The following ST18 variants were observed in gnomAD, a reference collection of about 807,000 sequenced individuals.
ST18 encodes the protein ST18 C2H2C-type zinc finger transcription factor.
Under a neutral mutation model 110.0 loss-of-function variants are expected in ST18, and 50 were observed. The observed-to-expected ratio is 0.45, with a 90% CI of 0.36 to 0.58. The LOEUF is 0.58. Ranked by LOEUF, ST18 falls within the 20% of genes least tolerant of loss-of-function variation. The pLI is 0.00. For missense variants in ST18, 1,306 were observed against 1,280.1 expected, an observed-to-expected ratio of 1.02 and a Z score of -0.31; for synonymous variants, 461 against 452.4, an observed-to-expected ratio of 1.02 and a Z score of -0.24.
At position 52,180,129 on chromosome 8, in the gene ST18, A is replaced by G; in HGVS notation, c.270T>C (p.Ser90=). 6.2e-7 allele frequency: 1 copy of G among 1,614,122 alleles called. No homozygotes were observed. The highest frequency in any genetic ancestry group is 2.2e-5 in the East Asian group (1 of 44,878). Reference sequence around the variant, plus strand: ...GGCTCTCCTCCTTGCTACCTGCGGTAGAGTGACCATGTGTTTCCAAGGGGC... The same window carrying G: ...GGCTCTCCTCCTTGCTACCTGCGGTGGAGTGACCATGTGTTTCCAAGGGGC... ...DDGPLETHGH[S]TAEEIMIKPM... Residue 90 remains serine (S), a synonymous_variant, in exon 9 of 26, where the codon TCT becomes TCC. Coordinates refer to ENST00000689386, the MANE Select transcript of ST18 (RefSeq NM_001352837.2).
At chr8:52,379,468 T>C (rs1279264569) in intron 2 of ST18, among the ~76,000 whole-genome samples, 1 of 152,154 alleles carries the variant, frequency 6.6e-6, no homozygotes, top group African/African-American at 2.4e-5. Context: ...TGAAGTACAG[T>C]TGACCTTTGA....
chr8:52,406,772 A>C (rs1358593110), intron 2 of ST18: 1 of 152,214 alleles, frequency 6.6e-6, no homozygotes, highest in Non-Finnish European at 1.5e-5. Context: ...AAGTGAGCTG[A>C]GAGTTCAAGG....
Position 52,318,573 on chromosome 8 carries a change from T to G in ST18, c.-464-88496A>C, listed in dbSNP as rs547820805. 7.9e-5 allele frequency among the ~76,000 whole-genome samples: 12 copies of G among 152,268 alleles called. No individual in the cohort carries two copies. The South Asian group carries it at 2.5e-3, about 32-fold the overall frequency. ...ATATACCCAAATGAATATAAATTGT[T>G]CTATTATAAAGACACATGCACACGT... is the stretch of plus-strand genomic sequence containing the variant. On this transcript the variant is annotated intron_variant, in intron 2 of 25. Transcript: ENST00000689386.
chr8:52,341,999 G>A (rs183831602), intron 2 of ST18, among the ~76,000 whole-genome samples: 127 of 152,274 alleles, frequency 8.3e-4, no homozygotes, highest in African/African-American at 2.9e-3. Context: ...TAGACAGAAG[G>A]AATACATTCA....
At chr8:52,324,516 T>C (rs924287939) in intron 2 of ST18, among the ~76,000 whole-genome samples, 1 of 152,080 alleles carries the variant, frequency 6.6e-6, no homozygotes, top group African/African-American at 2.4e-5. Context: ...GACAAGGCTC[T>C]CCAGGTGGAA....
At chr8:52,130,119 A>AAAAGAAAAGAAAG (rs1554585623) in intron 22 of ST18, among the ~76,000 whole-genome samples, 6 of 105,242 alleles carry the variant, frequency 5.7e-5, no homozygotes, top group East Asian at 2.8e-4. Context: ...AGAAAGAAAG[A>AAAAGAAAAGAAAG]AAAGAAAGAA....
chr8:52,395,019 C>T (rs1454492016), intron 2 of ST18, among the ~76,000 whole-genome samples: 3 of 152,058 alleles, frequency 2.0e-5, no homozygotes, highest in Admixed American at 6.5e-5. Flanking sequence ...GCAAGGAGGC[C>T]GGAAAGTCTA....
Position 52,137,339 on chromosome 8 carries a change from A to ACATGGATAG in ST18, c.2231+73_2231+81dup, listed in dbSNP as rs2052858912. ...CAACTCATTTCCTGCTTCAGATAAT[A>ACATGGATAG]CATGGATAGAAAGGGTGAGAATAAG... On this transcript the variant is annotated intron_variant, in intron 18 of 25. Coordinates refer to ENST00000689386, the MANE Select transcript of ST18 (RefSeq NM_001352837.2). 6.9e-6 allele frequency: 10 copies of ACATGGATAG among 1,439,922 alleles called. No homozygotes were observed. The South Asian group carries it at 1.2e-4, about 18-fold the overall frequency. 89.2% of individuals were successfully genotyped at this position (1,439,922 alleles called of 1,614,324 possible).
At chr8:52,155,715 C>T (rs1369732948) in intron 15 of ST18, among the ~76,000 whole-genome samples, 1 of 151,874 alleles carries the variant, frequency 6.6e-6, no homozygotes, top group African/African-American at 2.4e-5. Flanking sequence ...TTTTTTTGCC[C>T]CTCTGAAAAC....
chr8:52,136,896 A>AC (rs912211511), intron 18 of ST18, among the ~76,000 whole-genome samples: 138 of 151,882 alleles, frequency 9.1e-4, no homozygotes, highest in African/African-American at 3.0e-3. Context: ...GCCCAATGAG[A>AC]CCCCCCAACT....
At chr8:52,193,098 C>A (rs2075105525) in intron 8 of ST18, among the ~76,000 whole-genome samples, 1 of 152,070 alleles carries the variant, frequency 6.6e-6, no homozygotes, top group Non-Finnish European at 1.5e-5. Flanking sequence ...TCATGGTGAC[C>A]AAGGGCTCAA....
Position 52,390,516 on chromosome 8 carries a change from A to G in ST18, c.-465+18812T>C, listed in dbSNP as rs185285013. Among the ~76,000 whole-genome samples the G allele has an allele frequency of 7.9e-5, 12 of 152,386 alleles. No individual in the cohort carries two copies. In the East Asian group the frequency reaches 1.7e-3, roughly 22 times the overall value. Reference sequence around the variant, plus strand: ...TTCTTAAAATAATAGTTATAAAAAAAGAGACTGAAAAGTTGTAGAAATATG... The same window carrying G: ...TTCTTAAAATAATAGTTATAAAAAAGGAGACTGAAAAGTTGTAGAAATATG... On this transcript the variant is annotated intron_variant, in intron 2 of 25. Transcript: ENST00000689386.
chr8:52,118,205 T>C, intron 24 of ST18, 133 bp downstream of exon 24: 1 of 584,474 alleles, frequency 1.7e-6, no homozygotes, highest in Non-Finnish European at 2.9e-6. Context: ...ACAATAATTA[T>C]GGAATCTAGA....
rs189568247 is a variant in ST18 at position 52,262,972 on chromosome 8, C to A, written c.-464-32895G>T. On this transcript the variant is annotated intron_variant, in intron 2 of 25. Coordinates refer to ENST00000689386, the MANE Select transcript of ST18 (RefSeq NM_001352837.2). Reference sequence around the variant, plus strand: ...TTCCACTGCTCAACTCAGCCTGTTACAAAGGTTGCTGTTTTTCTCCTGAAG... The same window carrying A: ...TTCCACTGCTCAACTCAGCCTGTTAAAAAGGTTGCTGTTTTTCTCCTGAAG... Among the ~76,000 whole-genome samples, 587 of 152,330 alleles carry A rather than the reference C, an allele frequency of 3.9e-3. 3 individuals carry two copies. The highest frequency in any genetic ancestry group is 0.013 in the African/African-American group (560 of 41,570).
chr8:52,403,359 G>A (rs1843396927), intron 2 of ST18: 1 of 152,282 alleles, frequency 6.6e-6, no homozygotes, highest in South Asian at 2.1e-4. Flanking sequence ...GCACAATGTG[G>A]GCTCCTTCTT....
At chr8:52,129,204 A>G (rs1421239738) in intron 22 of ST18, among the ~76,000 whole-genome samples, 1 of 152,034 alleles carries the variant, frequency 6.6e-6, no homozygotes, top group Non-Finnish European at 1.5e-5. Context: ...GGTGGCTCAT[A>G]CCTGTAATCT....
intron 2 of ST18, among the ~76,000 whole-genome samples, chr8:52,382,688 C>G (rs1304523495): frequency 6.6e-6 from 1 of 151,090 alleles, no homozygotes; most frequent in Non-Finnish European, 1.5e-5. Flanking sequence ...CCGAGGAGTA[C>G]AGTCACTGTG....
chr8:52,225,529 C>A (rs2089019532), intron 3 of ST18, among the ~76,000 whole-genome samples: 1 of 152,184 alleles, frequency 6.6e-6, no homozygotes, highest in Admixed American at 6.5e-5. Flanking sequence ...TGATGAGGCA[C>A]TTCTGGAATA....
chr8:52,352,146 C>G (rs985338274), intron 2 of ST18, among the ~76,000 whole-genome samples: 1 of 152,142 alleles, frequency 6.6e-6, no homozygotes, highest in Admixed American at 6.5e-5. Context: ...ACCTGCCCCC[C>G]ACTTCTTTGT....
Sources: allele counts gnomAD v4.1 joint callset (sites outside exome capture counted in the v4.1 genomes callset), GRCh38; gene constraint gnomAD v4.1.1; transcripts MANE v1.5; gene names NCBI Gene and HGNC (gene_info 2026-07-23, HGNC 2026-07-21).